Variants in EPHA3 observed in about 807,000 individuals in gnomAD.
EPHA3 encodes ephrin type-A receptor 3.
EPHA3 carries 42 observed loss-of-function variants against 107.1 expected under a neutral mutation model. That is an observed-to-expected ratio of 0.39 (90% CI 0.31 to 0.51). The LOEUF (loss-of-function observed/expected upper bound fraction) is 0.51. Among genes scored for constraint, EPHA3 ranks in the 20% least tolerant of loss-of-function variants. EPHA3 has a pLI of 0.78. For missense variants in EPHA3, 1,183 were observed against 1,211.2 expected (o/e 0.98, Z 0.35); for synonymous variants, 461 against 424.8 (o/e 1.09, Z -1.05).
intron 3 of EPHA3, among the ~76,000 whole-genome samples, chr3:89,222,088 T>TCTGCTTCTGTTTCCATTGCTC (rs1704391428): frequency 6.6e-6 from 1 of 152,108 alleles, no homozygotes; most frequent in African/African-American, 2.4e-5. Flanking sequence ...TCTAATTGCT[T>TCTGCTTCTGTTTCCATTGCTC]CTGCTTCTGT....
chr3:89,450,878 C>A (rs923389703), intron 15 of EPHA3, among the ~76,000 whole-genome samples: 3 of 152,142 alleles, frequency 2.0e-5, no homozygotes, highest in African/African-American at 4.8e-5. Context: ...TGCACTCCAG[C>A]CTGGTCAACA....
At chr3:89,234,602 C>G (rs772239941) in intron 3 of EPHA3, among the ~76,000 whole-genome samples, 7 of 152,078 alleles carry the variant, frequency 4.6e-5, no homozygotes, top group Admixed American at 6.6e-5. Context: ...CAGTAGTGTA[C>G]TTGAGTTAGG....
chr3:89,162,048 C>G (rs942764256), intron 2 of EPHA3, among the ~76,000 whole-genome samples: 3 of 151,536 alleles, frequency 2.0e-5, no homozygotes, highest in Non-Finnish European at 4.4e-5. Context: ...GCTTAGTGAG[C>G]CTTCTTATCC....
At chr3:89,329,934 AG>A (rs1408489194) in intron 3 of EPHA3, among the ~76,000 whole-genome samples, 1 of 151,994 alleles carries the variant, frequency 6.6e-6, no homozygotes, top group Non-Finnish European at 1.5e-5. Context: ...TTTTATTCTT[AG>A]AAAAATATTT....
chr3:89,150,682 T>C (rs958301170), intron 2 of EPHA3, among the ~76,000 whole-genome samples: 2 of 152,112 alleles, frequency 1.3e-5, no homozygotes, highest in East Asian at 1.9e-4. Context: ...GAATCTTATG[T>C]GTATTCAGTT....
At chr3:89,300,580 C>A (rs1158761766) in intron 3 of EPHA3, among the ~76,000 whole-genome samples, 1 of 152,018 alleles carries the variant, frequency 6.6e-6, no homozygotes, top group East Asian at 1.9e-4. Flanking sequence ...TAGATTATCT[C>A]ATTTATTACT....
chr3:89,318,363 AT>A (rs1706959128), intron 3 of EPHA3, among the ~76,000 whole-genome samples: 1 of 151,720 alleles, frequency 6.6e-6, no homozygotes, highest in Non-Finnish European at 1.5e-5. Context: ...TTTCTGAGCA[AT>A]TTTTTCATCC....
rs1710427463 is a variant in EPHA3, at chr3:89,472,527, C to T, written c.2754C>T (p.Asp918=). ...VDITTFRTTG[D]WLNGVWTAHC... is the part of the protein sequence containing the mutation. ...TCACTACCTTCCGCACAACAGGTGA[C>T]TGGCTTAATGGTGTCTGGACAGCAC... The change falls in exon 16 of 17, where the codon GAC becomes GAT. Residue 918 remains aspartate (D), a synonymous_variant. Transcript: ENST00000336596. The T allele has an allele frequency of 6.2e-7, 1 of 1,613,970 alleles. No homozygotes were observed. Among genetic ancestry groups the T allele is most frequent in the African/African-American group, 1.3e-5 (1 of 74,882 alleles).
At chr3:89,478,448 C>A (rs962974241) in intron 16 of EPHA3, among the ~76,000 whole-genome samples, 1 of 152,172 alleles carries the variant, frequency 6.6e-6, no homozygotes, top group African/African-American at 2.4e-5. Context: ...CAGAAGCTTA[C>A]AGCTGCCAAA....
chr3:89,391,134 T>C (rs1199009582), intron 5 of EPHA3, among the ~76,000 whole-genome samples: 1 of 152,084 alleles, frequency 6.6e-6, no homozygotes, highest in Non-Finnish European at 1.5e-5. Context: ...TTACTAGATA[T>C]ATAGGGTGAA....
At chr3:89,336,178 C>G (rs1222960787) in intron 3 of EPHA3, among the ~76,000 whole-genome samples, 1 of 152,076 alleles carries the variant, frequency 6.6e-6, no homozygotes, top group Non-Finnish European at 1.5e-5. Flanking sequence ...TACTTTTATT[C>G]TCTTATATGT....
chr3:89,382,508 CA>C (rs575357952), intron 5 of EPHA3, among the ~76,000 whole-genome samples: 319 of 79,742 alleles, frequency 4.0e-3, no homozygotes, highest in Middle Eastern at 7.4e-3. Flanking sequence ...AATTCCATCT[CA>C]AAAAAAAAAA....
At chr3:89,225,943 C>CT (rs1704491139) in intron 3 of EPHA3, among the ~76,000 whole-genome samples, 2 of 152,114 alleles carry the variant, frequency 1.3e-5, no homozygotes, top group Non-Finnish European at 2.9e-5. Flanking sequence ...TCAGTAAACT[C>CT]TGAGTGTTCA....
chr3:89,129,809 C>A (rs1268912989), intron 2 of EPHA3, among the ~76,000 whole-genome samples: 2 of 151,754 alleles, frequency 1.3e-5, no homozygotes, highest in East Asian at 3.9e-4. Flanking sequence ...ATACTTATAA[C>A]AATTGTGATA....
chr3:89,275,394 T>G (rs753905603), intron 3 of EPHA3, among the ~76,000 whole-genome samples: 6 of 151,992 alleles, frequency 3.9e-5, no homozygotes, highest in Non-Finnish European at 7.4e-5. Context: ...CCTCTACAAC[T>G]ATACGTTCCC....
At position 89,395,966 on chromosome 3, in the gene EPHA3, G is replaced by A. The variant is rs746948094; in HGVS notation, c.1431+5G>A. 2 of 1,613,450 alleles carry A rather than the reference G, an allele frequency of 1.2e-6. No individual in the cohort carries two copies. Among genetic ancestry groups the A allele is most frequent in the East Asian group, 4.5e-5 (2 of 44,882 alleles). The stretch of plus-strand genomic sequence containing the variant: ...GAGGTCAAATACTATGAAAAGGTGG[G>A]GAAACAATGTTTAAGGGTTGGGCTG... On this transcript the variant is annotated splice_donor_5th_base_variant and intron_variant, in intron 6 of 16. Coordinates refer to ENST00000336596, the MANE Select transcript of EPHA3 (RefSeq NM_005233.6).
intron 2 of EPHA3, among the ~76,000 whole-genome samples, chr3:89,133,656 G>T (rs1704252001): frequency 6.6e-6 from 1 of 152,170 alleles, no homozygotes; most frequent in Admixed American, 6.5e-5. Context: ...TTGAAGCATT[G>T]TTTGTGCAAC....
intron 3 of EPHA3, among the ~76,000 whole-genome samples, chr3:89,287,588 G>A (rs974482787): frequency 6.6e-6 from 1 of 151,902 alleles, no homozygotes; most frequent in East Asian, 1.9e-4. Flanking sequence ...ATATTATACA[G>A]GCAAGAAGTT....
At chr3:89,466,803 G>T (rs547772050) in intron 15 of EPHA3, among the ~76,000 whole-genome samples, 1 of 118,444 alleles carries the variant, frequency 8.4e-6, no homozygotes, top group Admixed American at 8.2e-5. Context: ...CGTCGCTCAC[G>T]CTGGGAGCTG....
Sources: allele counts gnomAD v4.1 joint callset (sites outside exome capture counted in the v4.1 genomes callset), GRCh38; gene constraint gnomAD v4.1.1; transcripts MANE v1.5; gene names NCBI Gene and HGNC (gene_info 2026-07-23, HGNC 2026-07-21).